The following WDR43 variants were observed in gnomAD, a reference collection of about 807,000 sequenced individuals.
WDR43 encodes the protein WD repeat domain 43.
Under a neutral mutation model 91.4 loss-of-function variants are expected in WDR43, and 13 were observed. The ratio of observed to expected loss-of-function variants is 0.14; its 90% CI spans 0.09 to 0.23. The LOEUF (loss-of-function observed/expected upper bound fraction) is 0.23. WDR43 is among the 10% of genes least tolerant of loss of function. The pLI, the probability that WDR43 is intolerant of heterozygous loss-of-function variation, is 1.00. For missense variants in WDR43, 780 were observed against 809.4 expected (o/e 0.96, Z 0.44); for synonymous variants, 331 against 287.9 (o/e 1.15, Z -1.51).
At chr2:28,938,980 G>C (rs5006639) in intron 14 of WDR43, among the ~76,000 whole-genome samples, 3 of 139,798 alleles carry the variant, frequency 2.1e-5, no homozygotes, top group Admixed American at 2.1e-4. Flanking sequence ...CACTGGTGAG[G>C]GGGGTTTTGG....
Position 28,927,653 on chromosome 2 carries a change from C to T in WDR43, c.1258C>T (p.Pro420Ser), listed in dbSNP as rs924225741. ...GHHAAIKPAPPQTEQVESKRK... is the reference protein window; with the variant it reads ...GHHAAIKPAPSQTEQVESKRK... ...TCATGCAGCTATCAAGCCCGCTCCT[C>T]CACAAACCGAGCAAGTAGAGAGCAA... is the stretch of plus-strand genomic sequence containing the variant. The change falls in exon 10 of 18, where the codon CCA becomes TCA. Residue 420 changes from proline (P) to serine (S), a missense_variant. By Grantham distance (74) the Pro-to-Ser change is moderately conservative. Transcript: ENST00000407426. 1.2e-6 allele frequency: 2 copies of T among 1,613,910 alleles called. No homozygotes were observed.
chr2:28,925,242 A>G (rs1180688631), intron 8 of WDR43, 89 bp downstream of exon 8: 1 of 1,216,492 alleles, frequency 8.2e-7, no homozygotes, highest in African/African-American at 1.5e-5. Flanking sequence ...ATTGGTCTTT[A>G]AGATAAATAA....
At chr2:28,919,981 T>C (rs1670989762) in intron 6 of WDR43, among the ~76,000 whole-genome samples, 1 of 151,772 alleles carries the variant, frequency 6.6e-6, no homozygotes, top group South Asian at 2.1e-4. Flanking sequence ...GCTGGAATTA[T>C]AGACTGCGCT....
At chr2:28,917,022 C>G (rs1670923948) in intron 5 of WDR43, among the ~76,000 whole-genome samples, 1 of 152,134 alleles carries the variant, frequency 6.6e-6, no homozygotes, top group South Asian at 2.1e-4. Context: ...TCTTCTTGTG[C>G]TTAGGAACAC....
At chr2:28,918,039 A>G (rs548675701) in intron 6 of WDR43, 44 bp downstream of exon 6, 19 of 1,486,820 alleles carry the variant, frequency 1.3e-5, no homozygotes, top group Middle Eastern at 1.9e-4. Flanking sequence ...GGTTTCACAG[A>G]TGTTATTTTT....
chr2:28,929,518 T>A (rs34113296), intron 10 of WDR43, 61 bp from the exon 11 acceptor site: 22 of 1,361,702 alleles, frequency 1.6e-5, no homozygotes, highest in Non-Finnish European at 2.1e-5. Flanking sequence ...TTATTTTTTT[T>A]GTCTCCAAAC....
intron 3 of WDR43, among the ~76,000 whole-genome samples, chr2:28,908,371 G>T (rs1345231022): frequency 6.6e-6 from 1 of 152,174 alleles, no homozygotes; most frequent in Admixed American, 6.5e-5. Flanking sequence ...CTCCCTGATG[G>T]CTCAGTGAGT....
rs776846386 is a variant in WDR43 at position 28,894,866 on chromosome 2, G to T, written c.168G>T (p.Ala56=). The change falls in exon 1 of 18, where the codon GCG becomes GCT. Residue 56 remains alanine, a synonymous_variant. Coordinates refer to ENST00000407426, the MANE Select transcript of WDR43 (RefSeq NM_015131.3). ...NRLHQEYVPS[A]HLSGTCTCLA... ...TGCACCAGGAGTACGTGCCTTCCGC[G>T]CACCTCAGTGGTACCTGCACCTGTC... The T allele has an allele frequency of 1.2e-6, 2 of 1,609,560 alleles. No homozygotes were observed. The highest frequency in any genetic ancestry group is 4.5e-5 in the East Asian group (2 of 44,708).
chr2:28,895,112 A>G (rs1478311826), intron 1 of WDR43, 189 bp downstream of exon 1: 1 of 483,066 alleles, frequency 2.1e-6, no homozygotes, highest in Non-Finnish European at 3.2e-6. Context: ...GAGGGCAGTG[A>G]GGGAGGGCGC....
chr2:28,920,866 G>A (rs1671011182), intron 6 of WDR43, among the ~76,000 whole-genome samples: 1 of 151,486 alleles, frequency 6.6e-6, no homozygotes, highest in Non-Finnish European at 1.5e-5. Flanking sequence ...TAGCAGAGAT[G>A]GGGTTTCACC....
chr2:28,941,717 C>T (rs1377919365), intron 15 of WDR43, 143 bp downstream of exon 15: 3 of 615,110 alleles, frequency 4.9e-6, no homozygotes, highest in Non-Finnish European at 8.4e-6. Context: ...TGCAGCCTCG[C>T]TCAAGTGCCT....
At chr2:28,912,005 C>T (rs1162304619) in intron 3 of WDR43, among the ~76,000 whole-genome samples, 3 of 151,992 alleles carry the variant, frequency 2.0e-5, no homozygotes, top group African/African-American at 7.3e-5. Flanking sequence ...ACAGCAAAGA[C>T]TCCAGCTTCT....
chr2:28,937,460 A>G (rs1671356316), intron 13 of WDR43, among the ~76,000 whole-genome samples: 2 of 152,250 alleles, frequency 1.3e-5, no homozygotes, highest in Admixed American at 6.5e-5. Context: ...TTCTGAGCTC[A>G]CAAAAGAGGA....
chr2:28,944,506 G>A (rs1021822520), intron 16 of WDR43, among the ~76,000 whole-genome samples: 2 of 152,194 alleles, frequency 1.3e-5, no homozygotes. Flanking sequence ...GATTATATAA[G>A]TATGTTCATT....
intron 11 of WDR43, among the ~76,000 whole-genome samples, chr2:28,931,266 G>C (rs1362242737): frequency 6.6e-6 from 1 of 152,048 alleles, no homozygotes; most frequent in Non-Finnish European, 1.5e-5. Context: ...ATTTTTAGTA[G>C]AGATGGGGTT....
rs977883332 is a variant in WDR43, at chr2:28,947,007, A to G, written c.*228A>G. On this transcript the variant is annotated 3_prime_UTR_variant, in exon 18 of 18. Transcript: ENST00000407426. ...CACAGTATATAGACACATTTTCTGC[A>G]ATGTACTGACATCAGTGTCCAATAT... is the stretch of plus-strand genomic sequence containing the variant. 4 of 419,264 alleles carry G rather than the reference A, an allele frequency of 9.5e-6. No homozygotes were observed. The highest frequency in any genetic ancestry group is 1.7e-5 in the Non-Finnish European group (4 of 237,482). 26.0% of individuals were successfully genotyped at this position (419,264 alleles called of 1,614,324 possible).
chr2:28,894,744 G>A lies in WDR43; in HGVS notation c.46G>A (p.Gly16Arg), dbSNP rs1051958560. Reference sequence around the variant, plus strand: ...TAGCTGCGACCCCCTGGCCCCTGCTGGGGTCCCTTGCGCCTTCTCCCCGCA... The same window carrying A: ...TAGCTGCGACCCCCTGGCCCCTGCTAGGGTCCCTTGCGCCTTCTCCCCGCA... ...GGSCDPLAPA[G>R]VPCAFSPHSQ... The change falls in exon 1 of 18, where the codon GGG becomes AGG. Residue 16 changes from glycine (G) to arginine (R), a missense_variant. Physicochemically the swap from Gly to Arg is moderately radical, Grantham distance 125 (BLOSUM62 -2). Around this residue, in one of 4 missense-constraint regions of WDR43, gnomAD observed 175 missense variants for 113.8 expected, o/e 1.54. Coordinates refer to ENST00000407426, the MANE Select transcript of WDR43 (RefSeq NM_015131.3). The A allele has an allele frequency of 5.0e-6, 8 of 1,592,850 alleles. No individual in the cohort carries two copies. The highest frequency in any genetic ancestry group is 6.8e-6 in the Non-Finnish European group (8 of 1,170,558).
In WDR43 at chr2:28,942,391, G is replaced by A. The variant is rs369083779; in HGVS notation, c.1804+10G>A. 1.9e-6 allele frequency: 3 copies of A among 1,610,572 alleles called. No individual in the cohort carries two copies. The highest frequency in any genetic ancestry group is 1.1e-5 in the South Asian group (1 of 90,666). Reference sequence around the variant, plus strand: ...TTGGTGTATGAAGAAGGTAAAGACTGGGGGAATGGGATGGAGTCTAGAATT... The same window carrying A: ...TTGGTGTATGAAGAAGGTAAAGACTAGGGGAATGGGATGGAGTCTAGAATT... On this transcript the variant is annotated intron_variant, in intron 16 of 17. Transcript: ENST00000407426.
At chr2:28,901,733 C>G (rs1670580539) in intron 1 of WDR43, among the ~76,000 whole-genome samples, 1 of 151,980 alleles carries the variant, frequency 6.6e-6, no homozygotes, top group African/African-American at 2.4e-5. Flanking sequence ...AGGAGAGTAC[C>G]AAGAACATAC....
Sources: allele counts gnomAD v4.1 joint callset (sites outside exome capture counted in the v4.1 genomes callset), GRCh38; gene constraint gnomAD v4.1.1; regional missense constraint gnomAD v4.1.1; transcripts MANE v1.5; gene names NCBI Gene and HGNC (gene_info 2026-07-23, HGNC 2026-07-21).